ZBTB49: variants seen among roughly 807,000 people sequenced by gnomAD.
ZBTB49 encodes zinc finger and BTB domain-containing protein 49.
In ZBTB49, 43 loss-of-function variants were observed where a neutral mutation model predicts 57.5. The ratio of observed to expected loss-of-function variants is 0.75; its 90% CI spans 0.59 to 0.97. The LOEUF (loss-of-function observed/expected upper bound fraction) is 0.97. Ranked by LOEUF, ZBTB49 falls within the 50% of genes least tolerant of loss-of-function variation. ZBTB49 has a pLI of 0.00. For missense variants in ZBTB49, 938 were observed against 947.7 expected, an observed-to-expected ratio of 0.99 and a Z score of 0.13; for synonymous variants, 369 against 362.1, an observed-to-expected ratio of 1.02 and a Z score of -0.22.
intron 1 of ZBTB49, among the ~76,000 whole-genome samples, chr4:4,298,883 T>G (rs911563162): frequency 6.6e-6 from 1 of 152,164 alleles, no homozygotes; most frequent in African/African-American, 2.4e-5. Context: ...CTTAACTGTT[T>G]TGTTTAGTCG....
chr4:4,307,381 T>A (rs1255466441), intron 4 of ZBTB49, among the ~76,000 whole-genome samples: 2 of 152,240 alleles, frequency 1.3e-5, no homozygotes, highest in Non-Finnish European at 2.9e-5. Context: ...GAGCTTGGCC[T>A]CTGGGGCTGG....
intron 5 of ZBTB49, 97 bp downstream of exon 5, chr4:4,313,211 G>A: frequency 5.6e-6 from 8 of 1,422,554 alleles, no homozygotes; most frequent in South Asian, 1.3e-5. Flanking sequence ...TCACAGATGA[G>A]CCACAGGTGG....
At chr4:4,299,435 G>T (rs1720373448) in intron 1 of ZBTB49, among the ~76,000 whole-genome samples, 1 of 151,552 alleles carries the variant, frequency 6.6e-6, no homozygotes, top group Non-Finnish European at 1.5e-5. Context: ...CCTGTGTACA[G>T]GTGTTTGATA....
At position 4,303,985 on chromosome 4, in the gene ZBTB49, T is replaced by C. The variant is rs1284570549; in HGVS notation, c.1255+894T>C. Among the ~76,000 whole-genome samples the C allele has an allele frequency of 2.6e-5, 4 of 152,300 alleles. No homozygotes were observed. In the East Asian group the frequency reaches 7.7e-4, roughly 29 times the overall value. Reference sequence around the variant, plus strand: ...TGTAATTGTGTTTGTTGATGTGACCTTCTGTTATCACTATGGATTCACAGT... The same window carrying C: ...TGTAATTGTGTTTGTTGATGTGACCCTCTGTTATCACTATGGATTCACAGT... On this transcript the variant is annotated intron_variant, in intron 3 of 7. Transcript: ENST00000337872.
At chr4:4,318,156 CCTCTCGACT>C (rs1378075527) in intron 7 of ZBTB49, among the ~76,000 whole-genome samples, 1 of 152,144 alleles carries the variant, frequency 6.6e-6, no homozygotes, top group Non-Finnish European at 1.5e-5. Context: ...GAGCCAAGCT[CCTCTCGACT>C]CGAAAGATGA....
rs778989129 is a variant in ZBTB49, at chr4:4,320,630, C to A, written c.1622-10C>A. 3.7e-6 allele frequency: 6 copies of A among 1,612,728 alleles called. No homozygotes were observed. The highest frequency in any genetic ancestry group is 1.7e-6 in the Non-Finnish European group (2 of 1,179,804). On this transcript the variant is annotated splice_polypyrimidine_tract_variant and intron_variant, in intron 7 of 7. Transcript: ENST00000337872. ...TTTAAGTAAATAAATAACTGTTTTT[C>A]TTTTTCCAGGGAAATGTTTTGGGGG...
chr4:4,310,789 G>A (rs1354437021), intron 4 of ZBTB49, among the ~76,000 whole-genome samples: 1 of 151,978 alleles, frequency 6.6e-6, no homozygotes. Context: ...AAAGTGCTGG[G>A]ATTACGGGCA....
intron 1 of ZBTB49, among the ~76,000 whole-genome samples, chr4:4,298,289 CTAAG>C (rs1720310236): frequency 6.6e-6 from 1 of 152,062 alleles, no homozygotes. Context: ...GGAGATAAGT[CTAAG>C]TGAGAAGTAA....
chr4:4,318,741 T>TA (rs1221143082), intron 7 of ZBTB49, among the ~76,000 whole-genome samples: 3 of 152,072 alleles, frequency 2.0e-5, no homozygotes, highest in East Asian at 3.9e-4. Flanking sequence ...GTGTGTGTTA[T>TA]AAGGACAACA....
intron 5 of ZBTB49, among the ~76,000 whole-genome samples, chr4:4,313,570 G>A (rs751433291): frequency 3.4e-4 from 52 of 152,292 alleles, no homozygotes; most frequent in Non-Finnish European, 5.4e-4. Context: ...CCACCCCAGG[G>A]AGGAGGAAAC....
At chr4:4,309,002 G>A (rs559344710) in intron 4 of ZBTB49, among the ~76,000 whole-genome samples, 160 of 152,294 alleles carry the variant, frequency 1.1e-3, no homozygotes, top group African/African-American at 3.7e-3. Flanking sequence ...ATAGGGATGC[G>A]TGGTAAAGAA....
chr4:4,316,100 T>C, intron 7 of ZBTB49, 130 bp downstream of exon 7: 1 of 1,188,862 alleles, frequency 8.4e-7, no homozygotes, highest in South Asian at 1.5e-5. Context: ...TTGCCTCACA[T>C]GATCTCTCAT....
At chr4:4,309,221 G>A (rs1278497304) in intron 4 of ZBTB49, among the ~76,000 whole-genome samples, 2 of 152,194 alleles carry the variant, frequency 1.3e-5, no homozygotes, top group Non-Finnish European at 2.9e-5. Context: ...AGGATGGCAT[G>A]CCAGCATAAG....
At position 4,307,128 on chromosome 4, in the gene ZBTB49, G is replaced by T. The variant is rs368801612; in HGVS notation, c.1302+944G>T. ...GACTCTTCACCCTCCCACTCTCTGA[G>T]TCCCTGCCTGCTGGGATTCACCAAG... is the stretch of plus-strand genomic sequence containing the variant. On this transcript the variant is annotated intron_variant, in intron 4 of 7. Transcript: ENST00000337872. 1.1e-3 allele frequency among the ~76,000 whole-genome samples: 165 copies of T among 152,284 alleles called. 2 individuals carry two copies. Among genetic ancestry groups the T allele is most frequent in the African/African-American group, 3.5e-3 (145 of 41,572 alleles).
chr4:4,312,279 C>G (rs1417878977), intron 4 of ZBTB49, among the ~76,000 whole-genome samples: 1 of 152,072 alleles, frequency 6.6e-6, no homozygotes, highest in African/African-American at 2.4e-5. Flanking sequence ...AAACCTAATT[C>G]GAAACATTAG....
At position 4,302,880 on chromosome 4, in the gene ZBTB49, T is replaced by A; in HGVS notation, c.1044T>A (p.Ala348=). 1 of 1,613,892 alleles carries A rather than the reference T, an allele frequency of 6.2e-7. No individual in the cohort carries two copies. Among genetic ancestry groups the A allele is most frequent in the Non-Finnish European group, 8.5e-7 (1 of 1,179,892 alleles). Residue 348 remains alanine (A), a synonymous_variant, in exon 3 of 8, where the codon GCT becomes GCA. Coordinates refer to ENST00000337872, the MANE Select transcript of ZBTB49 (RefSeq NM_145291.4). ...CTAGTAAAAATACCCTAGAGAAAGC[T>A]AGCAGCCAAAGTGCTGAAGAAAAAG... The part of the protein sequence containing the change: ...ESASKNTLEK[A]SSQSAEEKES...
At chr4:4,311,022 A>G (rs1720963635) in intron 4 of ZBTB49, among the ~76,000 whole-genome samples, 1 of 152,208 alleles carries the variant, frequency 6.6e-6, no homozygotes, top group Non-Finnish European at 1.5e-5. Context: ...TGCATGGCCC[A>G]TTCCATTAGT....
At chr4:4,303,770 G>GTGTGTGTGTGTGTCTC (rs377326067) in intron 3 of ZBTB49, among the ~76,000 whole-genome samples, 56 of 25,328 alleles carry the variant, frequency 2.2e-3, no homozygotes, top group African/African-American at 5.0e-3. Flanking sequence ...CTGTGTGTGT[G>GTGTGTGTGTGTGTCTC]TCTCTCTCTC....
intron 4 of ZBTB49, among the ~76,000 whole-genome samples, chr4:4,308,672 T>C (rs917268409): frequency 6.6e-6 from 1 of 152,234 alleles, no homozygotes; most frequent in African/African-American, 2.4e-5. Context: ...ACAGTGTCCA[T>C]GTGCTGTCCA....
Sources: allele counts gnomAD v4.1 joint callset (sites outside exome capture counted in the v4.1 genomes callset), GRCh38; gene constraint gnomAD v4.1.1; transcripts MANE v1.5; gene names NCBI Gene and HGNC (gene_info 2026-07-23, HGNC 2026-07-21).